Variants in JAKMIP1 observed in about 807,000 individuals in gnomAD.
The protein encoded by JAKMIP1 is janus kinase and microtubule-interacting protein 1.
Under a neutral mutation model 113.0 loss-of-function variants are expected in JAKMIP1, and 33 were observed. The observed-to-expected ratio is 0.29, with a 90% CI of 0.22 to 0.39. The LOEUF is 0.39. JAKMIP1 is among the 10% of genes least tolerant of loss of function. JAKMIP1 has a pLI of 1.00. For missense variants in JAKMIP1, 813 were observed against 1,080.5 expected (o/e 0.75, Z 3.47); for synonymous variants, 480 against 459.9 (o/e 1.04, Z -0.56).
intron 1 of JAKMIP1, among the ~76,000 whole-genome samples, chr4:6,148,546 G>C (rs1721156300): frequency 6.6e-6 from 1 of 152,254 alleles, no homozygotes; most frequent in South Asian, 2.1e-4. Context: ...TTTCAAGGTG[G>C]CAGGAGCCAA....
intron 8 of JAKMIP1, 129 bp downstream of exon 8, chr4:6,078,810 T>C (rs1429275378): frequency 3.9e-6 from 3 of 760,076 alleles, no homozygotes; most frequent in Admixed American, 2.3e-5. Flanking sequence ...CTTTTCATCA[T>C]CAGGCATGCA....
rs545491904 is a variant in JAKMIP1 at position 6,091,356 on chromosome 4, G to GT, written c.625-5728dup. Among the ~76,000 whole-genome samples the GT allele has an allele frequency of 5.7e-3, 865 of 151,788 alleles. 13 individuals carry two copies. The highest frequency in any genetic ancestry group is 5.8e-3 in the Non-Finnish European group (396 of 67,914). On this transcript the variant is annotated intron_variant, in intron 3 of 20. Coordinates refer to ENST00000409021, the MANE Select transcript of JAKMIP1 (RefSeq NM_001099433.2). ...ACCGTCTCTTGTGCAAATACACAGA[G>GT]TATTTTTTCCCCCATTTTACTTCTC...
At chr4:6,123,546 C>T (rs1394747688) in intron 1 of JAKMIP1, among the ~76,000 whole-genome samples, 1 of 152,206 alleles carries the variant, frequency 6.6e-6, no homozygotes, top group Non-Finnish European at 1.5e-5. Context: ...TCAGGCTGGG[C>T]ATGGTGGCTC....
chr4:6,170,947 C>T (rs866047840), intron 1 of JAKMIP1, among the ~76,000 whole-genome samples: 2 of 149,188 alleles, frequency 1.3e-5, no homozygotes, highest in South Asian at 2.1e-4. Context: ...CCACCACCAG[C>T]ATCCCCATCA....
Position 6,167,353 on chromosome 4 carries a change from C to A in JAKMIP1, c.-148+32900G>T, listed in dbSNP as rs1723766105. ...CCTTGTCTCCCTCCAGCCTCCTCTG[C>A]TCTGGCCTGGACCACTCCAGCCACC... On this transcript the variant is annotated intron_variant, in intron 1 of 20. Transcript: ENST00000409021. The surrounding 1 kb of genome is among the most constrained non-coding windows in gnomAD (Gnocchi z 5.3). Among the ~76,000 whole-genome samples, 1 of 151,932 alleles carries A rather than the reference C, an allele frequency of 6.6e-6. No individual in the cohort carries two copies. The highest frequency in any genetic ancestry group is 2.1e-4 in the South Asian group (1 of 4,802).
chr4:6,131,230 G>A (rs1718476127), intron 1 of JAKMIP1, among the ~76,000 whole-genome samples: 1 of 138,622 alleles, frequency 7.2e-6, no homozygotes, highest in Non-Finnish European at 1.6e-5. Context: ...ATAAAAAAAA[G>A]AATAACAGGA....
chr4:6,132,122 T>C (rs1448306722), intron 1 of JAKMIP1, among the ~76,000 whole-genome samples: 2 of 152,164 alleles, frequency 1.3e-5, no homozygotes, highest in Non-Finnish European at 2.9e-5. Context: ...AACAGTGTAA[T>C]TGATGGGTAC....
intron 11 of JAKMIP1, among the ~76,000 whole-genome samples, chr4:6,057,177 C>T (rs1021994172): frequency 1.3e-5 from 2 of 152,186 alleles, no homozygotes; most frequent in South Asian, 2.1e-4. Context: ...TTTGCCTGGT[C>T]GTATCCTCTT....
Position 6,139,934 on chromosome 4 carries a change from G to A in JAKMIP1, c.-147-26937C>T, listed in dbSNP as rs530169187. ...CACCAAAGCACAGGAAGCCAGGGGA[G>A]AGGCCTGGGGCAGAGTCCCCTCGCA... On this transcript the variant is annotated intron_variant, in intron 1 of 20. Coordinates refer to ENST00000409021, the MANE Select transcript of JAKMIP1 (RefSeq NM_001099433.2). This position sits in a 1 kb window ranked among gnomAD's most constrained non-coding sequence, Gnocchi z 5.2. 2.0e-5 allele frequency among the ~76,000 whole-genome samples: 3 copies of A among 152,236 alleles called. No individual in the cohort carries two copies. Among genetic ancestry groups the A allele is most frequent in the East Asian group, 3.9e-4 (2 of 5,188 alleles).
chr4:6,032,953 C>T (rs1712936054), intron 19 of JAKMIP1, among the ~76,000 whole-genome samples: 1 of 152,232 alleles, frequency 6.6e-6, no homozygotes, highest in African/African-American at 2.4e-5. Context: ...ATTGTCCCAG[C>T]AGATGTCTCT....
At chr4:6,062,228 C>A in intron 10 of JAKMIP1, 84 bp downstream of exon 10, 1 of 1,474,628 alleles carries the variant, frequency 6.8e-7, no homozygotes, top group Admixed American at 1.7e-5. Flanking sequence ...AGTGTCCAAG[C>A]CAGGGTATGT....
chr4:6,159,570 A>T (rs1722656826), intron 1 of JAKMIP1, among the ~76,000 whole-genome samples: 1 of 152,262 alleles, frequency 6.6e-6, no homozygotes, highest in Non-Finnish European at 1.5e-5. Context: ...AAGAAACGCA[A>T]ATGGCCAATA....
At chr4:6,114,565 C>T (rs563153816) in intron 1 of JAKMIP1, among the ~76,000 whole-genome samples, 1 of 152,328 alleles carries the variant, frequency 6.6e-6, no homozygotes, top group East Asian at 1.9e-4. Flanking sequence ...TGGGACATCC[C>T]TCCAAGCTAC....
At chr4:6,110,816 A>G (rs9985793) in intron 2 of JAKMIP1, among the ~76,000 whole-genome samples, 149,623 of 150,746 alleles carry the variant, frequency 0.99, 74,264 homozygotes, top group Middle Eastern at 1. Context: ...GCAGTGTGAT[A>G]TGAGTGAGCA....
intron 7 of JAKMIP1, among the ~76,000 whole-genome samples, chr4:6,079,950 G>C (rs903335975): frequency 6.6e-6 from 1 of 152,222 alleles, no homozygotes; most frequent in Non-Finnish European, 1.5e-5. Flanking sequence ...CATGGAAACT[G>C]TCCCCAAGTA....
rs370414020 is a variant in JAKMIP1 at position 6,115,284 on chromosome 4, C to T, written c.-147-2287G>A. Among the ~76,000 whole-genome samples, 22 of 152,256 alleles carry T rather than the reference C, an allele frequency of 1.4e-4. No individual in the cohort carries two copies. In the South Asian group the frequency reaches 1.7e-3, roughly 11 times the overall value. ...AATTAGCAGGGCGTGGTGGTGCGCA[C>T]CTGTAATTCCAGTTACTCAGGAGGC... On this transcript the variant is annotated intron_variant, in intron 1 of 20. Transcript: ENST00000409021.
rs577716117 is a variant in JAKMIP1, at chr4:6,184,308, G to T, written c.-148+15945C>A. On this transcript the variant is annotated intron_variant, in intron 1 of 20. Transcript: ENST00000409021. This position sits in a 1 kb window ranked among gnomAD's most constrained non-coding sequence, Gnocchi z 4.5. ...CAAATGCCCTAGGGAAGGAAGAACC[G>T]CTCCCAGGCACCACAGCCAGGAAGG... Among the ~76,000 whole-genome samples, 2 of 152,186 alleles carry T rather than the reference G, an allele frequency of 1.3e-5. No homozygotes were observed. The highest frequency in any genetic ancestry group is 4.2e-4 in the South Asian group (2 of 4,816).
In JAKMIP1 at chr4:6,105,499, C is replaced by T. The variant is rs1160983376; in HGVS notation, c.598G>A (p.Glu200Lys). 6.2e-7 allele frequency: 1 copy of T among 1,607,036 alleles called. No homozygotes were observed. Among genetic ancestry groups the T allele is most frequent in the Non-Finnish European group, 8.5e-7 (1 of 1,177,182 alleles). The change falls in exon 3 of 21, where the codon GAG becomes AAG. Residue 200 changes from glutamate (E) to lysine (K), a missense_variant. Coordinates refer to ENST00000409021, the MANE Select transcript of JAKMIP1 (RefSeq NM_001099433.2). ...HQDEVHRIKR[E>K]CERDIRRLMD... ...AGCCTGCGGATGTCGCGCTCGCACT[C>T]GCGCTTGATGCGGTGCACCTCGTCT...
intron 18 of JAKMIP1, among the ~76,000 whole-genome samples, chr4:6,038,945 G>C (rs1713935987): frequency 6.6e-6 from 1 of 152,208 alleles, no homozygotes; most frequent in Admixed American, 6.5e-5. Context: ...CTTGCATCTG[G>C]CATCTGCTGT....
Sources: allele counts gnomAD v4.1 joint callset (sites outside exome capture counted in the v4.1 genomes callset), GRCh38; gene constraint gnomAD v4.1.1; non-coding constraint Gnocchi (gnomAD v3.1); transcripts MANE v1.5; gene names NCBI Gene and HGNC (gene_info 2026-07-23, HGNC 2026-07-21).